Variants in DPP10 observed in about 807,000 individuals in gnomAD.
DPP10 encodes the protein dipeptidyl peptidase like 10.
In DPP10, 33 loss-of-function variants were observed where a neutral mutation model predicts 120.9. The observed-to-expected ratio is 0.27, with a 90% CI of 0.21 to 0.37. The LOEUF is 0.37. Ranked by LOEUF, DPP10 falls within the 10% of genes least tolerant of loss-of-function variation. The pLI, the probability that DPP10 is intolerant of heterozygous loss-of-function variation, is 1.00. For synonymous variants in DPP10, 337 were observed against 326.1 expected, an observed-to-expected ratio of 1.03 and a Z score of -0.36; for missense variants, 816 against 942.8, an observed-to-expected ratio of 0.87 and a Z score of 1.76.
intron 1 of DPP10, among the ~76,000 whole-genome samples, chr2:115,207,038 G>A (rs551614797): frequency 1.3e-5 from 2 of 152,142 alleles, no homozygotes; most frequent in Non-Finnish European, 2.9e-5. Context: ...TTTTAAAAGT[G>A]CTGTAACTTC....
chr2:114,958,023 G>C (rs1334565579), intron 1 of DPP10, among the ~76,000 whole-genome samples: 1 of 152,146 alleles, frequency 6.6e-6, no homozygotes, highest in Admixed American at 6.6e-5. Context: ...ATTTAATGGG[G>C]TTTAATTGAG....
At position 115,600,039 on chromosome 2, in the gene DPP10, C is replaced by T. The variant is rs567078181; in HGVS notation, c.441+74067C>T. 7.2e-5 allele frequency among the ~76,000 whole-genome samples: 11 copies of T among 151,934 alleles called. No homozygotes were observed. The South Asian group carries it at 1.5e-3, about 20-fold the overall frequency. On this transcript the variant is annotated intron_variant, in intron 5 of 25. Coordinates refer to ENST00000410059, the MANE Select transcript of DPP10 (RefSeq NM_020868.6). Reference sequence around the variant, plus strand: ...TTTGGGAGCCATTGTTACCCCAGAGCGCCGTCACCTGTTTTTTTTGTTTGT... The same window carrying T: ...TTTGGGAGCCATTGTTACCCCAGAGTGCCGTCACCTGTTTTTTTTGTTTGT...
intron 1 of DPP10, among the ~76,000 whole-genome samples, chr2:114,845,578 CT>C: frequency 6.6e-6 from 1 of 152,186 alleles, no homozygotes; most frequent in Middle Eastern, 3.4e-3. Context: ...TTTAAGAGGA[CT>C]TTGTTTCTCA....
rs2060937784 is a variant in DPP10, at chr2:115,297,494, A to T, written c.61-11745A>T. On this transcript the variant is annotated intron_variant, in intron 1 of 25. Transcript: ENST00000410059. The stretch of plus-strand genomic sequence containing the variant: ...TTGACATTCTAAAAGTAACTTCAAG[A>T]TGATAAAGAATAAATATTATACTAA... Among the ~76,000 whole-genome samples the T allele has an allele frequency of 1.3e-5, 2 of 151,568 alleles. 1 individual carries two copies. The highest frequency in any genetic ancestry group is 4.2e-4 in the South Asian group (2 of 4,736).
At chr2:114,894,503 C>T (rs987243659) in intron 1 of DPP10, among the ~76,000 whole-genome samples, 1 of 152,084 alleles carries the variant, frequency 6.6e-6, no homozygotes, top group Non-Finnish European at 1.5e-5. Flanking sequence ...CCTCAGTCCA[C>T]TCTGTTAACA....
intron 1 of DPP10, among the ~76,000 whole-genome samples, chr2:114,768,127 C>CAAA (rs759782705): frequency 2.0e-5 from 1 of 50,046 alleles, no homozygotes; most frequent in African/African-American, 6.0e-5. Context: ...GGCTCTGTCT[C>CAAA]AAAAAAAAAA....
chr2:114,555,874 G>T (rs1271363049), intron 1 of DPP10, among the ~76,000 whole-genome samples: 2 of 152,084 alleles, frequency 1.3e-5, no homozygotes, highest in East Asian at 3.9e-4. Context: ...CACGTCCCAA[G>T]AAGAACATAG....
chr2:115,642,829 A>G (rs550186687), intron 5 of DPP10, among the ~76,000 whole-genome samples: 8 of 152,208 alleles, frequency 5.3e-5, no homozygotes, highest in African/African-American at 1.9e-4. Context: ...AATATATACT[A>G]TATTGTAGTT....
At chr2:115,432,477 T>C (rs1024581845) in intron 3 of DPP10, among the ~76,000 whole-genome samples, 17 of 152,018 alleles carry the variant, frequency 1.1e-4, no homozygotes, top group African/African-American at 4.1e-4. Context: ...AGGTGGGTTT[T>C]AGTTTTCTCA....
intron 1 of DPP10, among the ~76,000 whole-genome samples, chr2:114,516,005 A>G (rs1389630147): frequency 2.0e-5 from 3 of 152,196 alleles, no homozygotes; most frequent in East Asian, 3.9e-4. Context: ...ATTCTACAGC[A>G]TGCATTAGAA....
At chr2:114,456,134 C>T (rs1286840074) in intron 1 of DPP10, among the ~76,000 whole-genome samples, 1 of 152,158 alleles carries the variant, frequency 6.6e-6, no homozygotes, top group East Asian at 1.9e-4. Context: ...TCATGTATTA[C>T]TAATGGAGAC....
rs1471419892 is a variant in DPP10, at chr2:114,748,346, TTTTTA to T, written c.60+305513_60+305517del. On this transcript the variant is annotated intron_variant, in intron 1 of 25. Transcript: ENST00000410059. Reference sequence around the variant, plus strand: ...AGGACAAAGGGAATTTTCTTTTTTTTTTTTATTTTTTTTTATTTTATTTATTTATT... The same window carrying T: ...AGGACAAAGGGAATTTTCTTTTTTTTTTTTTTTTTATTTTATTTATTTATT... Among the ~76,000 whole-genome samples, 119 of 130,994 alleles carry T rather than the reference TTTTTA, an allele frequency of 9.1e-4. 2 individuals are homozygous for T. The highest frequency in any genetic ancestry group is 3.3e-3 in the African/African-American group (105 of 32,130). The allele number at this position is 130,994 out of a possible 152,430, so 85.9% of individuals were successfully genotyped here.
intron 1 of DPP10, among the ~76,000 whole-genome samples, chr2:115,240,465 G>A (rs1393101116): frequency 6.6e-6 from 1 of 151,896 alleles, no homozygotes; most frequent in Non-Finnish European, 1.5e-5. Context: ...TTTTTTTCTT[G>A]TAAATTTGTT....
chr2:114,737,882 T>A (rs1187899607), intron 1 of DPP10, among the ~76,000 whole-genome samples: 2 of 152,234 alleles, frequency 1.3e-5, no homozygotes, highest in Non-Finnish European at 2.9e-5. Context: ...GGACCTGTAT[T>A]ATTCAATTCT....
intron 1 of DPP10, among the ~76,000 whole-genome samples, chr2:115,039,161 A>T (rs1704449443): frequency 6.6e-6 from 1 of 152,124 alleles, no homozygotes; most frequent in East Asian, 1.9e-4. Flanking sequence ...GGAACTTAAC[A>T]TTTCTTGGTT....
chr2:115,221,023 A>G (rs1216536098), intron 1 of DPP10, among the ~76,000 whole-genome samples: 2 of 152,086 alleles, frequency 1.3e-5, no homozygotes, highest in Non-Finnish European at 2.9e-5. Context: ...AATATTAACT[A>G]TATCAGAAGT....
intron 3 of DPP10, among the ~76,000 whole-genome samples, chr2:115,350,539 C>T (rs763147279): frequency 6.6e-6 from 1 of 152,032 alleles, no homozygotes; most frequent in Non-Finnish European, 1.5e-5. Flanking sequence ...ATGCATTCAG[C>T]TAGACAAATA....
At chr2:114,477,091 C>T (rs948150032) in intron 1 of DPP10, among the ~76,000 whole-genome samples, 3 of 152,040 alleles carry the variant, frequency 2.0e-5, no homozygotes, top group African/African-American at 7.2e-5. Context: ...TCCCAAGTAG[C>T]TGGGATTATA....
chr2:114,905,219 T>C lies in DPP10; in HGVS notation c.61-404020T>C, dbSNP rs184400865. Among the ~76,000 whole-genome samples the C allele has an allele frequency of 4.6e-5, 7 of 152,166 alleles. No individual in the cohort carries two copies. The East Asian group carries it at 1.4e-3, about 29-fold the overall frequency. The stretch of plus-strand genomic sequence containing the variant: ...TATCTTGCCAATTTCTGCTAAAAAC[T>C]ACCTGAGATTTTGTAGGATTGTGTT... On this transcript the variant is annotated intron_variant, in intron 1 of 25. Transcript: ENST00000410059.
Sources: gnomAD v4.1 joint callset for allele counts (sites outside exome capture counted in the v4.1 genomes callset) on GRCh38, gnomAD v4.1.1 for gene constraint, MANE v1.5 for transcripts, NCBI Gene and HGNC (gene_info 2026-07-23, HGNC 2026-07-21) for gene names.